LRFN2: variants seen among roughly 807,000 people sequenced by gnomAD.
LRFN2 encodes the protein leucine rich repeat and fibronectin type III domain containing 2, also known as leucine-rich repeat and fibronectin type-III domain-containing protein 2.
In LRFN2, 18 loss-of-function variants were observed where a neutral mutation model predicts 37.3. The ratio of observed to expected loss-of-function variants is 0.48; its 90% CI spans 0.33 to 0.72. The LOEUF (loss-of-function observed/expected upper bound fraction) is 0.72, where lower values mean the gene tolerates loss of function less well. Among genes scored for constraint, LRFN2 ranks in the 30% least tolerant of loss-of-function variants. The pLI is 0.02. For missense variants in LRFN2, 1,006 were observed against 1,060.7 expected (o/e 0.95, Z 0.72); for synonymous variants, 556 against 466.6 (o/e 1.19, Z -2.47).
chr6:40,556,348 AG>A (rs1308221812), intron 1 of LRFN2, among the ~76,000 whole-genome samples: 1 of 152,130 alleles, frequency 6.6e-6, no homozygotes, highest in Non-Finnish European at 1.5e-5. Context: ...GCCCTACAGC[AG>A]GGGCCCTTCT....
intron 1 of LRFN2, among the ~76,000 whole-genome samples, chr6:40,519,772 CAG>C (rs1765998567): frequency 6.6e-6 from 1 of 152,188 alleles, no homozygotes. Context: ...TGATAACAAA[CAG>C]GGGAAGCAGG....
At chr6:40,538,892 T>C (rs980700701) in intron 1 of LRFN2, among the ~76,000 whole-genome samples, 2 of 152,248 alleles carry the variant, frequency 1.3e-5, no homozygotes, top group Admixed American at 1.3e-4. Flanking sequence ...TTAGAAATAT[T>C]GCATTAAAAG....
chr6:40,507,756 C>T (rs1390720686), intron 1 of LRFN2, among the ~76,000 whole-genome samples: 1 of 152,172 alleles, frequency 6.6e-6, no homozygotes, highest in African/African-American at 2.4e-5. Flanking sequence ...TTTGATCATG[C>T]CTCTTGTAGA....
intron 2 of LRFN2, among the ~76,000 whole-genome samples, chr6:40,395,944 C>T (rs977760613): frequency 6.6e-6 from 1 of 152,142 alleles, no homozygotes; most frequent in Non-Finnish European, 1.5e-5. Flanking sequence ...TAGGTTTCCA[C>T]ATTCATGATT....
At chr6:40,442,006 A>G (rs1763848347) in intron 1 of LRFN2, among the ~76,000 whole-genome samples, 1 of 152,156 alleles carries the variant, frequency 6.6e-6, no homozygotes, top group South Asian at 2.1e-4. Flanking sequence ...CCCTCACCCA[A>G]GGACTTCCCC....
At chr6:40,478,304 T>A (rs1227533167) in intron 1 of LRFN2, among the ~76,000 whole-genome samples, 1 of 152,222 alleles carries the variant, frequency 6.6e-6, no homozygotes, top group Non-Finnish European at 1.5e-5. Flanking sequence ...TTTTACAAAT[T>A]ACAAATAGAC....
chr6:40,559,000 C>G (rs552447276), intron 1 of LRFN2, among the ~76,000 whole-genome samples: 1 of 152,212 alleles, frequency 6.6e-6, no homozygotes, highest in East Asian at 1.9e-4. Context: ...GGAAGGCAAC[C>G]CCAGGTGTCC....
intron 1 of LRFN2, among the ~76,000 whole-genome samples, chr6:40,552,121 C>G (rs952637891): frequency 6.6e-6 from 1 of 152,196 alleles, no homozygotes; most frequent in Non-Finnish European, 1.5e-5. Flanking sequence ...GTGTGGTCTT[C>G]AATCTGCAGC....
intron 1 of LRFN2, among the ~76,000 whole-genome samples, chr6:40,468,017 G>A (rs1764510449): frequency 6.6e-6 from 1 of 152,110 alleles, no homozygotes; most frequent in Non-Finnish European, 1.5e-5. Flanking sequence ...TCCAGTCCCT[G>A]CTCATGACCT....
intron 1 of LRFN2, among the ~76,000 whole-genome samples, chr6:40,453,740 G>T (rs548692945): frequency 1.2e-3 from 183 of 152,288 alleles, no homozygotes; most frequent in Non-Finnish European, 4.4e-4. Context: ...CACTCACAGG[G>T]TTTTTAATTT....
chr6:40,532,346 A>G (rs1193846339), intron 1 of LRFN2, among the ~76,000 whole-genome samples: 4 of 152,222 alleles, frequency 2.6e-5, no homozygotes, highest in East Asian at 1.9e-4. Context: ...TAGTAATCAC[A>G]TGCCCCCTAA....
Position 40,392,229 on chromosome 6 carries a change from C to T in LRFN2, c.2084G>A (p.Arg695Gln), listed in dbSNP as rs759520591. The T allele has an allele frequency of 1.1e-5, 18 of 1,569,796 alleles. No homozygotes were observed. The Admixed American group carries it at 2.4e-4, about 21-fold the overall frequency. The change falls in exon 3 of 3, where the codon CGA becomes CAA. Residue 695 changes from arginine to glutamine, a missense_variant. Around this residue, in one of 4 missense-constraint regions of LRFN2, gnomAD observed 398 missense variants for 327.6 expected, o/e 1.21. Transcript: ENST00000338305. The surrounding 1 kb of genome is among the most constrained non-coding windows in gnomAD (Gnocchi z 4.7). ...GTSARGHHSDREPLLGPPAAR... is the reference protein window; with the variant it reads ...GTSARGHHSDQEPLLGPPAAR... Reference sequence around the variant, plus strand: ...CGCAGGGGGCCCCAGCAGTGGCTCTCGGTCCGAGTGGTGGCCCCGGGCCGA... The same window carrying T: ...CGCAGGGGGCCCCAGCAGTGGCTCTTGGTCCGAGTGGTGGCCCCGGGCCGA...
intron 2 of LRFN2, among the ~76,000 whole-genome samples, chr6:40,417,887 G>T (rs1763132733): frequency 1.3e-5 from 2 of 152,142 alleles, no homozygotes; most frequent in Admixed American, 6.5e-5. Flanking sequence ...AGGGTCTCAA[G>T]ATACAGCTAA....
intron 2 of LRFN2, among the ~76,000 whole-genome samples, chr6:40,422,772 A>C (rs77359618): frequency 0.038 from 5,724 of 152,234 alleles, 370 homozygotes; most frequent in African/African-American, 0.13. Context: ...TATGGAATAA[A>C]CGATATCCTC....
intron 1 of LRFN2, among the ~76,000 whole-genome samples, chr6:40,468,756 G>T (rs776532946): frequency 9.2e-5 from 14 of 152,152 alleles, no homozygotes; most frequent in Non-Finnish European, 1.8e-4. Flanking sequence ...AGGCAGCTGA[G>T]CTCCTGTTCC....
intron 1 of LRFN2, among the ~76,000 whole-genome samples, chr6:40,435,657 G>T (rs1763652709): frequency 6.6e-6 from 1 of 152,002 alleles, no homozygotes; most frequent in Non-Finnish European, 1.5e-5. Context: ...TCCTGCCTCA[G>T]CCTCCCTAGT....
intron 1 of LRFN2, among the ~76,000 whole-genome samples, chr6:40,486,053 G>A (rs948670921): frequency 5.3e-5 from 8 of 152,214 alleles, no homozygotes; most frequent in Admixed American, 3.9e-4. Context: ...CCTGCGGGGC[G>A]AGGGTGCTGA....
intron 2 of LRFN2, among the ~76,000 whole-genome samples, chr6:40,415,271 G>A (rs559196836): frequency 6.6e-6 from 1 of 151,968 alleles, no homozygotes; most frequent in Non-Finnish European, 1.5e-5. Context: ...TGTCGCCTAG[G>A]CTGGAATGCA....
At chr6:40,485,025 T>G (rs1764921686) in intron 1 of LRFN2, among the ~76,000 whole-genome samples, 1 of 152,234 alleles carries the variant, frequency 6.6e-6, no homozygotes, top group Non-Finnish European at 1.5e-5. Context: ...ACTCACAATA[T>G]TCTGCATTCA....
Sources: allele counts gnomAD v4.1 joint callset (sites outside exome capture counted in the v4.1 genomes callset), GRCh38; gene constraint gnomAD v4.1.1; regional missense constraint gnomAD v4.1.1; non-coding constraint Gnocchi (gnomAD v3.1); transcripts MANE v1.5; gene names NCBI Gene and HGNC (gene_info 2026-07-23, HGNC 2026-07-21).